Variants in CD8B observed in about 807,000 individuals in gnomAD.
CD8B encodes the protein T-cell surface glycoprotein CD8 beta chain.
CD8B carries 6 observed loss-of-function variants against 24.2 expected under a neutral mutation model. That is an observed-to-expected ratio of 0.25 (90% confidence interval 0.14 to 0.49). The LOEUF (loss-of-function observed/expected upper bound fraction) is 0.49. Ranked by LOEUF, CD8B falls within the 20% of genes least tolerant of loss-of-function variation. The pLI is 0.98. For synonymous variants in CD8B, 84 were observed against 108.3 expected (o/e 0.78, Z 1.39); for missense variants, 196 against 271.3 (o/e 0.72, Z 1.95).
At position 86,846,702 on chromosome 2, in the gene CD8B, C is replaced by T. The variant is rs759205868; in HGVS notation, c.565G>A (p.Val189Met). ...AACTCACAGCACAGGTGGATGGCCA[C>T]TCCCAGGGAAACCAGCAGAACCAGG... Reference protein sequence around the residue: ...GVLVLLVSLGVAIHLCCRRRR... With the variant: ...GVLVLLVSLGMAIHLCCRRRR... The change falls in exon 4 of 6, where the codon GTG becomes ATG. Residue 189 changes from valine (V) to methionine (M), a missense_variant. Physicochemically the swap from Val to Met is conservative, Grantham distance 21 (BLOSUM62 1). Coordinates refer to ENST00000390655, the MANE Select transcript of CD8B (RefSeq NM_004931.5). The T allele has an allele frequency of 2.5e-6, 4 of 1,579,652 alleles. No individual in the cohort carries two copies. The highest frequency in any genetic ancestry group is 3.4e-6 in the Non-Finnish European group (4 of 1,162,030).
At chr2:86,846,218 G>A (rs972947981) in intron 4 of CD8B, among the ~76,000 whole-genome samples, 3 of 152,184 alleles carry the variant, frequency 2.0e-5, no homozygotes, top group Non-Finnish European at 4.4e-5. Flanking sequence ...CATCAATATC[G>A]GTGTCGTGGA....
intron 5 of CD8B, among the ~76,000 whole-genome samples, chr2:86,825,340 G>C (rs1674635579): frequency 6.6e-6 from 1 of 152,154 alleles, no homozygotes; most frequent in Non-Finnish European, 1.5e-5. Context: ...GGGAGTGGAG[G>C]GTGAGGATCA....
At chr2:86,860,260 A>G (rs1208559710) in intron 1 of CD8B, among the ~76,000 whole-genome samples, 1 of 152,194 alleles carries the variant, frequency 6.6e-6, no homozygotes, top group Non-Finnish European at 1.5e-5. Context: ...ACAGAGCAAG[A>G]CTCCATCTTG....
intron 5 of CD8B, among the ~76,000 whole-genome samples, chr2:86,824,213 A>G (rs1448128068): frequency 6.6e-6 from 1 of 152,070 alleles, no homozygotes; most frequent in African/African-American, 2.4e-5. Flanking sequence ...CCTCTGCCAC[A>G]CTTTTACCTA....
exon 6 of CD8B, chr2:86,815,558 A>C: frequency 9.0e-7 from 1 of 1,109,976 alleles, no homozygotes; most frequent in Non-Finnish European, 1.4e-6. Context: ...CGAGGGAGGA[A>C]TCTGGTAAAA....
At chr2:86,843,134 C>T (rs1339422274) in intron 5 of CD8B, among the ~76,000 whole-genome samples, 2 of 152,134 alleles carry the variant, frequency 1.3e-5, no homozygotes, top group African/African-American at 4.8e-5. Flanking sequence ...CTCTTGTTGC[C>T]CAGGCTGCAG....
chr2:86,858,256 C>G lies in CD8B; in HGVS notation c.204G>C (p.Glu68Asp). The G allele has an allele frequency of 6.2e-7, 1 of 1,614,042 alleles. No homozygotes were observed. Among genetic ancestry groups the G allele is most frequent in the South Asian group, 1.1e-5 (1 of 91,080 alleles). Reference protein sequence around the residue: ...RQAPSSDSHHEFLALWDSAKG... With the variant: ...RQAPSSDSHHDFLALWDSAKG... The stretch of plus-strand genomic sequence containing the variant: ...TTGCGGAATCCCAGAGGGCCAGGAA[C>G]TCGTGGTGACTGTCACTGCTCGGTG... The change falls in exon 2 of 6, where the codon GAG becomes GAC. Residue 68 changes from glutamate to aspartate, a missense_variant. Coordinates refer to ENST00000390655, the MANE Select transcript of CD8B (RefSeq NM_004931.5).
intron 2 of CD8B, among the ~76,000 whole-genome samples, chr2:86,856,946 A>G (rs1431943964): frequency 2.0e-5 from 3 of 152,184 alleles, no homozygotes; most frequent in Non-Finnish European, 4.4e-5. Flanking sequence ...TATTTAAATT[A>G]ATTTTACTTG....
At chr2:86,861,673 C>A (rs542760904) in intron 1 of CD8B, 150 bp downstream of exon 1, 322 of 476,086 alleles carry the variant, frequency 6.8e-4, no homozygotes, top group African/African-American at 5.5e-3. Flanking sequence ...CCTTAGGGAC[C>A]GTGCCTGCCA....
At chr2:86,837,006 A>G (rs1239104959), downstream of CD8B, among the ~76,000 whole-genome samples, 2 of 152,018 alleles carry the variant, frequency 1.3e-5, no homozygotes, top group African/African-American at 4.8e-5. Flanking sequence ...AAATATAAAA[A>G]ATTAGCCAGG....
At chr2:86,816,439 A>G (rs549013258) in intron 5 of CD8B, among the ~76,000 whole-genome samples, 1 of 152,348 alleles carries the variant, frequency 6.6e-6, no homozygotes, top group East Asian at 1.9e-4. Flanking sequence ...TCAAATTCAT[A>G]TGGAAGTATA....
In CD8B at chr2:86,839,101, C is replaced by G. The variant is rs1352800777; in HGVS notation, c.*3206G>C. 6.6e-6 allele frequency among the ~76,000 whole-genome samples: 1 copy of G among 152,166 alleles called. No individual in the cohort carries two copies. The highest frequency in any genetic ancestry group is 1.5e-5 in the Non-Finnish European group (1 of 68,028). On this transcript the variant is annotated 3_prime_UTR_variant, in exon 6 of 6. Coordinates refer to ENST00000390655, the MANE Select transcript of CD8B (RefSeq NM_004931.5). ...AACATATATTTGTTTTGCTTGTTTT[C>G]TTTTGTGCTTGAATTTTAACAGTGA...
downstream of CD8B, among the ~76,000 whole-genome samples, chr2:86,833,882 C>CTCGT: frequency 6.6e-6 from 1 of 151,900 alleles, no homozygotes. Context: ...AACTCCTGAC[C>CTCGT]TCGTGATCCG....
At chr2:86,846,557 C>T (rs1383593311) in intron 4 of CD8B, 127 bp downstream of exon 4, 13 of 606,202 alleles carry the variant, frequency 2.1e-5, no homozygotes, top group East Asian at 6.2e-5. Context: ...CTGGAAATAC[C>T]GTAGGTTCTC....
intron 5 of CD8B, chr2:86,843,429 A>C: frequency 1.0e-6 from 1 of 976,960 alleles, no homozygotes; most frequent in Middle Eastern, 5.3e-4. Flanking sequence ...CTGGCCTGAG[A>C]CAGCTACACT....
chr2:86,815,998 G>A (rs2104482812), intron 5 of CD8B, among the ~76,000 whole-genome samples: 1 of 152,322 alleles, frequency 6.6e-6, no homozygotes, highest in South Asian at 2.1e-4. Flanking sequence ...TACCTGCTCA[G>A]TTATTCCCCA....
At chr2:86,845,892 T>A (rs1675648917) in intron 4 of CD8B, among the ~76,000 whole-genome samples, 1 of 152,220 alleles carries the variant, frequency 6.6e-6, no homozygotes. Context: ...GTTATTTTCA[T>A]CGTATGTTCA....
chr2:86,831,144 A>G (rs752653199), intron 5 of CD8B, among the ~76,000 whole-genome samples: 35 of 152,182 alleles, frequency 2.3e-4, no homozygotes, highest in Non-Finnish European at 4.7e-4. Flanking sequence ...ATCTTGGCTC[A>G]CTGCAACCTC....
At chr2:86,860,622 C>A (rs1042988162) in intron 1 of CD8B, among the ~76,000 whole-genome samples, 3 of 152,204 alleles carry the variant, frequency 2.0e-5, no homozygotes, top group African/African-American at 7.2e-5. Context: ...CAGATTAAAA[C>A]CCAGCTTGTG....
Sources: gnomAD v4.1 joint callset for allele counts (sites outside exome capture counted in the v4.1 genomes callset) on GRCh38, gnomAD v4.1.1 for gene constraint, MANE v1.5 for transcripts, NCBI Gene and HGNC (gene_info 2026-07-23, HGNC 2026-07-21) for gene names.